Variants in WDR25 observed in about 807,000 individuals in gnomAD.
The protein encoded by WDR25 is WD repeat domain 25.
In WDR25, 35 loss-of-function variants were observed where a neutral mutation model predicts 47.7. The ratio of observed to expected loss-of-function variants is 0.73; its 90% confidence interval spans 0.56 to 0.97. WDR25 has a LOEUF of 0.97. WDR25 is among the 50% of genes least tolerant of loss of function. The pLI is 0.00. For missense variants in WDR25, 634 were observed against 704.7 expected (o/e 0.90, Z 1.14); for synonymous variants, 248 against 278.9 (o/e 0.89, Z 1.10).
chr14:100,393,546 C>T (rs1897189293), intron 2 of WDR25, among the ~76,000 whole-genome samples: 1 of 152,154 alleles, frequency 6.6e-6, no homozygotes, highest in Non-Finnish European at 1.5e-5. Flanking sequence ...GGGAGGGGAA[C>T]GAGGTGTATT....
At chr14:100,384,502 G>A (rs892749787) in intron 2 of WDR25, among the ~76,000 whole-genome samples, 3 of 152,208 alleles carry the variant, frequency 2.0e-5, no homozygotes, top group Admixed American at 6.5e-5. Context: ...AGGTTTGTGC[G>A]TGGCCTGGCT....
At chr14:100,417,945 C>CTTT (rs1259298049) in intron 2 of WDR25, among the ~76,000 whole-genome samples, 1 of 143,604 alleles carries the variant, frequency 7.0e-6, no homozygotes, top group African/African-American at 2.6e-5. Flanking sequence ...TTGCTTATGT[C>CTTT]TTTTTTTTTT....
chr14:100,403,348 C>A (rs1897436632), intron 2 of WDR25, among the ~76,000 whole-genome samples: 1 of 152,182 alleles, frequency 6.6e-6, no homozygotes, highest in African/African-American at 2.4e-5. Context: ...CCTTTCCAAC[C>A]AAAGCACATA....
At chr14:100,475,429 A>G (rs1899985164) in intron 3 of WDR25, among the ~76,000 whole-genome samples, 2 of 152,240 alleles carry the variant, frequency 1.3e-5, no homozygotes, top group South Asian at 4.1e-4. Flanking sequence ...AATATTCACA[A>G]TGGAATACTC....
chr14:100,405,673 C>T (rs1313280738), intron 2 of WDR25, among the ~76,000 whole-genome samples: 1 of 152,236 alleles, frequency 6.6e-6, no homozygotes, highest in Non-Finnish European at 1.5e-5. Context: ...GCAGAGCTGG[C>T]CATCGGGAGG....
chr14:100,508,052 G>GCAA, intron 4 of WDR25, among the ~76,000 whole-genome samples: 1 of 152,066 alleles, frequency 6.6e-6, no homozygotes, highest in Non-Finnish European at 1.5e-5. Flanking sequence ...AAATCCAGCA[G>GCAA]CACATCAAAA....
At chr14:100,481,268 T>A in intron 3 of WDR25, 1 of 730,806 alleles carries the variant, frequency 1.4e-6, no homozygotes, top group South Asian at 1.4e-5. Flanking sequence ...AGAAACCAAG[T>A]CTGATAGAAT....
chr14:100,459,888 G>GTGTA (rs1479082160), intron 2 of WDR25, among the ~76,000 whole-genome samples: 21 of 43,082 alleles, frequency 4.9e-4, no homozygotes, highest in African/African-American at 2.9e-3. Flanking sequence ...GTATATGTGT[G>GTGTA]TGTGTGTATA....
rs963000189 is a variant in WDR25, at chr14:100,449,751, G to A, written c.823-18270G>A. 4.0e-4 allele frequency among the ~76,000 whole-genome samples: 61 copies of A among 152,180 alleles called. No homozygotes were observed. Among genetic ancestry groups the A allele is most frequent in the African/African-American group, 1.4e-3 (57 of 41,440 alleles). On this transcript the variant is annotated intron_variant, in intron 2 of 6. Coordinates refer to ENST00000402312, the MANE Select transcript of WDR25 (RefSeq NM_001161476.3). The surrounding 1 kb of genome is among the most constrained non-coding windows in gnomAD (Gnocchi z 4.2). ...AACGCAGCTCCTTGTCCTGGCTTAG[G>A]TGACGCCTCCCCTCACTTGTAGAGG...
chr14:100,377,980 T>C (rs1381010826), intron 1 of WDR25, among the ~76,000 whole-genome samples: 1 of 151,968 alleles, frequency 6.6e-6, no homozygotes, highest in African/African-American at 2.4e-5. Context: ...TTCTTGGAAG[T>C]CGGTCTATTG....
chr14:100,471,229 G>C (rs562729380), intron 3 of WDR25, among the ~76,000 whole-genome samples: 1 of 152,214 alleles, frequency 6.6e-6, no homozygotes, highest in East Asian at 1.9e-4. Context: ...TGGTCTTTGT[G>C]TCTCTATCCT....
intron 5 of WDR25, among the ~76,000 whole-genome samples, chr14:100,527,762 T>C (rs1278920641): frequency 5.3e-5 from 8 of 152,252 alleles, no homozygotes. Context: ...ACCATCACAC[T>C]GGGAGCTTGT....
rs56705876 is a variant in WDR25, at chr14:100,377,292, AGTT to A, written c.-16+816_-16+818del. Among the ~76,000 whole-genome samples, 1,073 of 151,418 alleles carry A rather than the reference AGTT, an allele frequency of 7.1e-3. 7 individuals carry two copies. Among genetic ancestry groups the A allele is most frequent in the East Asian group, 0.011 (57 of 5,134 alleles). ...GATGAGCTGGCTGGCTGGCTTTAGA[AGTT>A]GTTGTTGTTGTTGTTGTTTTTTGAG... is the stretch of plus-strand genomic sequence containing the variant. On this transcript the variant is annotated intron_variant, in intron 1 of 6. Coordinates refer to ENST00000402312, the MANE Select transcript of WDR25 (RefSeq NM_001161476.3).
chr14:100,396,687 T>C (rs533542226), intron 2 of WDR25, among the ~76,000 whole-genome samples: 10 of 152,286 alleles, frequency 6.6e-5, no homozygotes, highest in African/African-American at 2.4e-4. Context: ...AGGGAGGAGA[T>C]GAAGATCATA....
In WDR25 at chr14:100,498,389, C is replaced by T. The variant is rs1287296330; in HGVS notation, c.1101+14265C>T. Among the ~76,000 whole-genome samples the T allele has an allele frequency of 6.6e-6, 1 of 152,204 alleles. No individual in the cohort carries two copies. The highest frequency in any genetic ancestry group is 1.5e-5 in the Non-Finnish European group (1 of 68,034). Reference sequence around the variant, plus strand: ...AGCTCTCTTTCCCCTCTGCATGCCCCTTTTCCACCAAACAGATTTCTTGGT... The same window carrying T: ...AGCTCTCTTTCCCCTCTGCATGCCCTTTTTCCACCAAACAGATTTCTTGGT... On this transcript the variant is annotated intron_variant, in intron 4 of 6. Transcript: ENST00000402312. The surrounding 1 kb of genome is among the most constrained non-coding windows in gnomAD (Gnocchi z 4.2).
intron 2 of WDR25, among the ~76,000 whole-genome samples, chr14:100,456,124 G>A (rs1899196355): frequency 6.6e-6 from 1 of 152,170 alleles, no homozygotes; most frequent in Non-Finnish European, 1.5e-5. Flanking sequence ...TTGCGAGGAT[G>A]AGGTGGGAGG....
intron 4 of WDR25, among the ~76,000 whole-genome samples, chr14:100,510,851 C>G (rs1254953417): frequency 2.0e-5 from 3 of 149,966 alleles, no homozygotes; most frequent in Non-Finnish European, 3.0e-5. Flanking sequence ...GATCCTCTTT[C>G]TTTGGCCTCC....
intron 4 of WDR25, among the ~76,000 whole-genome samples, chr14:100,514,039 C>T (rs1207567740): frequency 1.3e-5 from 2 of 151,840 alleles, no homozygotes; most frequent in East Asian, 1.9e-4. Flanking sequence ...GGGTTCACGC[C>T]ATTCTCCTGC....
chr14:100,441,869 G>A (rs1005038830), intron 2 of WDR25, among the ~76,000 whole-genome samples: 5 of 152,224 alleles, frequency 3.3e-5, no homozygotes, highest in Non-Finnish European at 7.3e-5. Context: ...TGCATGCCAA[G>A]CGCTGGGCTG....
Sources: gnomAD v4.1 joint callset for allele counts (sites outside exome capture counted in the v4.1 genomes callset) on GRCh38, gnomAD v4.1.1 for gene constraint, Gnocchi (gnomAD v3.1) non-coding constraint, MANE v1.5 for transcripts, NCBI Gene and HGNC (gene_info 2026-07-23, HGNC 2026-07-21) for gene names.